The following INPP5F variants were observed in gnomAD, a reference collection of about 807,000 sequenced individuals.
The protein encoded by INPP5F is inositol polyphosphate-5-phosphatase F.
INPP5F carries 97 observed loss-of-function variants against 137.2 expected under a neutral mutation model. The observed-to-expected ratio is 0.71, with a 90% confidence interval of 0.60 to 0.84. The LOEUF (loss-of-function observed/expected upper bound fraction) is 0.84. Ranked by LOEUF, INPP5F falls within the 40% of genes least tolerant of loss-of-function variation. The pLI, the probability that INPP5F is intolerant of heterozygous loss-of-function variation, is 0.00. For synonymous variants in INPP5F, 504 were observed against 476.9 expected (o/e 1.06, Z -0.74); for missense variants, 1,271 against 1,371.9 (o/e 0.93, Z 1.16).
intron 3 of INPP5F, among the ~76,000 whole-genome samples, chr10:119,784,354 A>G (rs1000689241): frequency 4.6e-5 from 7 of 152,192 alleles, no homozygotes; most frequent in African/African-American, 1.7e-4. Context: ...CATGTTTCAG[A>G]ATAGTTTCTC....
chr10:119,797,832 CAAT>C (rs1850438391), intron 8 of INPP5F, among the ~76,000 whole-genome samples, 192 bp downstream of exon 8: 1 of 152,108 alleles, frequency 6.6e-6, no homozygotes, highest in South Asian at 2.1e-4. Context: ...ATTTATTTAA[CAAT>C]AAAAAATTTC....
chr10:119,811,535 G>A (rs2134259203), intron 14 of INPP5F, among the ~76,000 whole-genome samples: 1 of 152,214 alleles, frequency 6.6e-6, no homozygotes, highest in East Asian at 1.9e-4. Flanking sequence ...TTGAAACACA[G>A]TTTTTAATTT....
chr10:119,786,004 C>T (rs1435836011), intron 3 of INPP5F, among the ~76,000 whole-genome samples: 1 of 152,288 alleles, frequency 6.6e-6, no homozygotes, highest in Non-Finnish European at 1.5e-5. Context: ...ATCTTATTTG[C>T]GTATCTCATT....
intron 6 of INPP5F, chr10:119,793,521 C>G (rs557257422): frequency 1.3e-5 from 2 of 151,882 alleles, no homozygotes; most frequent in East Asian, 3.9e-4. Flanking sequence ...GGTACACTTA[C>G]GGAGATAAGA....
rs1004656256 is a variant in INPP5F at position 119,787,501 on chromosome 10, C to T, written c.316-4016C>T. 6.6e-6 allele frequency among the ~76,000 whole-genome samples: 1 copy of T among 152,040 alleles called. No individual in the cohort carries two copies. Among genetic ancestry groups the T allele is most frequent in the African/African-American group, 2.4e-5 (1 of 41,382 alleles). ...GCTAAGGTGGAAGAACCGCTTGGAT[C>T]TGGGAGGCGGAGGTTGCAGCAAGCT... On this transcript the variant is annotated intron_variant, in intron 3 of 19. Coordinates refer to ENST00000650623, the MANE Select transcript of INPP5F (RefSeq NM_014937.4). The surrounding 1 kb of genome is among the most constrained non-coding windows in gnomAD (Gnocchi z 4.1).
At chr10:119,767,075 A>T (rs1176974894) in intron 2 of INPP5F, among the ~76,000 whole-genome samples, 1 of 129,120 alleles carries the variant, frequency 7.7e-6, no homozygotes, top group East Asian at 2.7e-4. Context: ...ACTGCACTCC[A>T]GCCTGGGCAA....
chr10:119,777,558 GA>G (rs1377504536), intron 2 of INPP5F, among the ~76,000 whole-genome samples: 1 of 152,046 alleles, frequency 6.6e-6, no homozygotes, highest in African/African-American at 2.4e-5. Flanking sequence ...ATATAAGTTA[GA>G]AATTATTCCT....
chr10:119,749,395 C>T (rs994462169), intron 1 of INPP5F, among the ~76,000 whole-genome samples: 5 of 152,228 alleles, frequency 3.3e-5, no homozygotes, highest in Non-Finnish European at 5.9e-5. Flanking sequence ...TATTTATTAG[C>T]GCTGCAGTTT....
intron 2 of INPP5F, among the ~76,000 whole-genome samples, chr10:119,766,557 C>T (rs1849170128): frequency 6.6e-6 from 1 of 152,088 alleles, no homozygotes; most frequent in Admixed American, 6.5e-5. Context: ...GAAAACCACA[C>T]TCAGTTACCT....
Position 119,827,971 on chromosome 10 carries a change from A to C in INPP5F, c.*191A>C. On this transcript the variant is annotated 3_prime_UTR_variant, in exon 20 of 20. Transcript: ENST00000650623. Reference sequence around the variant, plus strand: ...CAGGACTACAGAAGTGCATCATTCTAGAATGTGTAGACCTGAGTAGCTTAT... The same window carrying C: ...CAGGACTACAGAAGTGCATCATTCTCGAATGTGTAGACCTGAGTAGCTTAT... 1 of 547,680 alleles carries C rather than the reference A, an allele frequency of 1.8e-6. No individual in the cohort carries two copies. The highest frequency in any genetic ancestry group is 2.1e-5 in the South Asian group (1 of 47,328). The allele number at this position is 547,680 out of a possible 1,614,324, so 33.9% of individuals were successfully genotyped here. A position where few individuals can be genotyped will look rare whatever the true frequency, so the allele number is the denominator to read the frequency against.
intron 2 of INPP5F, among the ~76,000 whole-genome samples, chr10:119,771,862 A>ATATATATG (rs1286323738): frequency 5.1e-4 from 5 of 9,790 alleles, no homozygotes; most frequent in African/African-American, 1.8e-3. Flanking sequence ...ATATATATAT[A>ATATATATG]TATATATATA....
At chr10:119,785,446 C>A (rs913583618) in intron 3 of INPP5F, among the ~76,000 whole-genome samples, 7 of 150,580 alleles carry the variant, frequency 4.6e-5, no homozygotes, top group African/African-American at 1.7e-4. Context: ...CCACCACACC[C>A]GACTCATTTT....
At chr10:119,728,501 G>A (rs1038494144) in intron 1 of INPP5F, among the ~76,000 whole-genome samples, 2 of 152,148 alleles carry the variant, frequency 1.3e-5, no homozygotes, top group Non-Finnish European at 2.9e-5. Context: ...TGTAGTGACA[G>A]CATTTAAAAT....
At chr10:119,730,448 C>T (rs1281353467) in intron 1 of INPP5F, among the ~76,000 whole-genome samples, 3 of 152,048 alleles carry the variant, frequency 2.0e-5, no homozygotes, top group African/African-American at 7.2e-5. Context: ...GATAAAGCAC[C>T]GTGTAAACAT....
At chr10:119,761,696 C>T (rs1436865257) in intron 2 of INPP5F, among the ~76,000 whole-genome samples, 6 of 151,154 alleles carry the variant, frequency 4.0e-5, no homozygotes, top group African/African-American at 1.5e-4. Flanking sequence ...GTGCATAAAA[C>T]CTACTTTATA....
chr10:119,823,521 C>T (rs1851642892), intron 18 of INPP5F, among the ~76,000 whole-genome samples: 1 of 152,202 alleles, frequency 6.6e-6, no homozygotes, highest in East Asian at 1.9e-4. Context: ...TCATGCCTGT[C>T]TCATTCATGG....
At chr10:119,795,892 A>G (rs1244593980) in intron 6 of INPP5F, among the ~76,000 whole-genome samples, 9 of 152,218 alleles carry the variant, frequency 5.9e-5, no homozygotes, top group Non-Finnish European at 1.3e-4. Flanking sequence ...CCCGGCCAAC[A>G]CGGGGAAACC....
intron 1 of INPP5F, 97 bp downstream of exon 1, chr10:119,726,456 C>A: frequency 1.6e-6 from 1 of 609,660 alleles, no homozygotes; most frequent in Non-Finnish European, 2.3e-6. Flanking sequence ...GAGCCGCCTG[C>A]GGGCCTGGTG....
intron 6 of INPP5F, among the ~76,000 whole-genome samples, chr10:119,796,512 G>C (rs1850390648): frequency 6.6e-6 from 1 of 152,138 alleles, no homozygotes; most frequent in Non-Finnish European, 1.5e-5. Flanking sequence ...CTGGCTCTTA[G>C]GCTGTGTTCA....
Sources: allele counts gnomAD v4.1 joint callset (sites outside exome capture counted in the v4.1 genomes callset), GRCh38; gene constraint gnomAD v4.1.1; non-coding constraint Gnocchi (gnomAD v3.1); transcripts MANE v1.5; gene names NCBI Gene and HGNC (gene_info 2026-07-23, HGNC 2026-07-21).